P2RY8: variants seen among roughly 807,000 people sequenced by gnomAD.
P2RY8 encodes S-geranylgeranyl-glutathione receptor P2RY8.
A neutral mutation model predicts 10.0 loss-of-function variants in P2RY8; 6 were observed. The observed-to-expected ratio is 0.60, with a 90% confidence interval of 0.33 to 1.19. The LOEUF is 1.19. Among genes scored for constraint, P2RY8 ranks in the 50% most tolerant of loss-of-function variants. P2RY8 has a pLI of 0.04. For synonymous variants in P2RY8, 276 were observed against 252.5 expected, an observed-to-expected ratio of 1.09 and a Z score of -0.88; for missense variants, 456 against 542.0, an observed-to-expected ratio of 0.84 and a Z score of 1.58.
chrX:1,536,523 A>C (rs1657004394), intron 1 of P2RY8, among the ~76,000 whole-genome samples: 1 of 150,694 alleles, frequency 6.6e-6, no homozygotes, highest in Non-Finnish European at 1.5e-5. Flanking sequence ...CGGTCCCCCA[A>C]AGTGCTGGGA....
At chrX:1,504,045 T>C (rs1183616609) in intron 1 of P2RY8, among the ~76,000 whole-genome samples, 3 of 151,948 alleles carry the variant, frequency 2.0e-5, no homozygotes, top group Admixed American at 6.6e-5. Flanking sequence ...CTGCTGGACG[T>C]GGTGGCTCAC....
chrX:1,490,485 G>T (rs1193998466), intron 1 of P2RY8, among the ~76,000 whole-genome samples: 3 of 146,608 alleles, frequency 2.0e-5, no homozygotes, highest in Non-Finnish European at 3.0e-5. Context: ...TGGGGGGAAT[G>T]AATGAATGAC....
At chrX:1,522,038 C>T (rs1191657137) in intron 1 of P2RY8, among the ~76,000 whole-genome samples, 5 of 143,992 alleles carry the variant, frequency 3.5e-5, no homozygotes, top group South Asian at 2.2e-4. Flanking sequence ...CCGCAACCTC[C>T]GCCTCCCGGG....
intron 1 of P2RY8, among the ~76,000 whole-genome samples, chrX:1,470,868 G>A (rs375784342): frequency 1.5e-5 from 2 of 137,176 alleles, no homozygotes; most frequent in African/African-American, 2.8e-5. Context: ...ATGGAGTCTT[G>A]CTCTGTTGCC....
chrX:1,465,834 A>T lies in P2RY8; in HGVS notation c.725T>A (p.Val242Asp). 6.2e-7 allele frequency: 1 copy of T among 1,612,894 alleles called. No individual in the cohort carries two copies. Among genetic ancestry groups the T allele is most frequent in the Admixed American group, 1.7e-5 (1 of 59,996 alleles). ...RRRAVGLAAV[V>D]LLAFVTCFAP... ...GAAGCAGGTGACAAAGGCCAGCAAG[A>T]CCACCGCGGCCAGGCCCACCGCGCG... Residue 242 changes from valine to aspartate, a missense_variant, in exon 2 of 2, where the codon GTC becomes GAC. Transcript: ENST00000381297.
intron 1 of P2RY8, among the ~76,000 whole-genome samples, chrX:1,482,461 A>G (rs532269542): frequency 7.2e-5 from 11 of 152,188 alleles, no homozygotes; most frequent in African/African-American, 2.4e-4. Flanking sequence ...TTAACAGATG[A>G]GAGAGAGGTG....
chrX:1,485,383 C>T (rs2091977216), intron 1 of P2RY8, among the ~76,000 whole-genome samples: 1 of 152,108 alleles, frequency 6.6e-6, no homozygotes. Flanking sequence ...AGGCAATCCA[C>T]TTGCCTTGGC....
At chrX:1,486,773 T>C (rs1306626121) in intron 1 of P2RY8, among the ~76,000 whole-genome samples, 2 of 152,054 alleles carry the variant, frequency 1.3e-5, no homozygotes, top group African/African-American at 4.8e-5. Context: ...ATTCCTCAGG[T>C]TTCTGGTTTA....
intron 1 of P2RY8, among the ~76,000 whole-genome samples, chrX:1,528,290 G>A (rs1478076779): frequency 1.3e-5 from 2 of 152,300 alleles, no homozygotes; most frequent in Non-Finnish European, 2.9e-5. Context: ...GAGGCTGTCT[G>A]CAACATGCCC....
intron 1 of P2RY8, among the ~76,000 whole-genome samples, chrX:1,502,515 T>C (rs1188240129): frequency 2.6e-5 from 4 of 152,144 alleles, no homozygotes; most frequent in Non-Finnish European, 4.4e-5. Flanking sequence ...CTGTGCTGGC[T>C]GCCACGTGAG....
rs186604875 is a variant in P2RY8 at position 1,513,482 on chromosome X, G to A, written c.-25+23439C>T. 8.7e-3 allele frequency among the ~76,000 whole-genome samples: 1,223 copies of A among 139,842 alleles called. 16 individuals carry two copies. Among genetic ancestry groups the A allele is most frequent in the African/African-American group, 0.03 (1,157 of 38,080 alleles). 91.7% of individuals were successfully genotyped at this position (139,842 alleles called of 152,430 possible). On this transcript the variant is annotated intron_variant, in intron 1 of 1. Transcript: ENST00000381297. ...TCCAGGCATCCCTGGGCTTGTGGCC[G>A]CATCACTCCAGTGTCTGCCTCTGTC...
chrX:1,502,483 A>G (rs28482095), intron 1 of P2RY8, among the ~76,000 whole-genome samples: 5,550 of 152,098 alleles, frequency 0.036, 326 homozygotes, highest in African/African-American at 0.12. Context: ...GCCTCCCGGC[A>G]ACACGCTTTG....
At chrX:1,511,135 G>A (rs1408066692) in intron 1 of P2RY8, among the ~76,000 whole-genome samples, 21 of 151,986 alleles carry the variant, frequency 1.4e-4, no homozygotes, top group African/African-American at 3.9e-4. Flanking sequence ...AGCCAAGATC[G>A]CACCACTGCA....
At chrX:1,469,761 G>A (rs1420019817) in intron 1 of P2RY8, among the ~76,000 whole-genome samples, 12 of 151,870 alleles carry the variant, frequency 7.9e-5, no homozygotes, top group Non-Finnish European at 1.5e-4. Context: ...TTAGCCGGGC[G>A]TGGTGGCATG....
chrX:1,504,173 G>A (rs1430177258), intron 1 of P2RY8, among the ~76,000 whole-genome samples: 2 of 151,732 alleles, frequency 1.3e-5, no homozygotes, highest in Non-Finnish European at 2.9e-5. Flanking sequence ...AAAATTAGCT[G>A]GGCGTAGTTG....
rs1174965576 is a variant in P2RY8, at chrX:1,533,903, ATTAT to A, written c.-25+3014_-25+3017del. 7.7e-4 allele frequency among the ~76,000 whole-genome samples: 95 copies of A among 122,760 alleles called. 2 individuals carry two copies. The East Asian group carries it at 0.024, about 30-fold the overall frequency. The allele number at this position is 122,760 out of a possible 152,430, so 80.5% of individuals were successfully genotyped here. ...TTATATATTATATACTTATATATGT[ATTAT>A]TTAAATATATTATATATTCATATAT... On this transcript the variant is annotated intron_variant, in intron 1 of 1. Coordinates refer to ENST00000381297, the MANE Select transcript of P2RY8 (RefSeq NM_178129.5).
chrX:1,511,539 C>T (rs752314209), intron 1 of P2RY8, among the ~76,000 whole-genome samples: 88 of 152,214 alleles, frequency 5.8e-4, no homozygotes, highest in South Asian at 2.3e-3. Context: ...TTTCTTTAAG[C>T]GACGAGATCT....
intron 1 of P2RY8, among the ~76,000 whole-genome samples, chrX:1,473,991 A>G (rs2091839380): frequency 7.4e-6 from 1 of 134,384 alleles, no homozygotes; most frequent in South Asian, 2.8e-4. Context: ...GGACGGATGC[A>G]TGGATGAGTG....
chrX:1,533,592 ATATTTATT>A, intron 1 of P2RY8, among the ~76,000 whole-genome samples: 1 of 3,480 alleles, frequency 2.9e-4, no homozygotes, highest in South Asian at 0.013. Context: ...ATATACTTAT[ATATTTATT>A]ATTTAAATAT....
Sources: allele counts gnomAD v4.1 joint callset (sites outside exome capture counted in the v4.1 genomes callset), GRCh38; gene constraint gnomAD v4.1.1; transcripts MANE v1.5; gene names NCBI Gene and HGNC (gene_info 2026-07-23, HGNC 2026-07-21).